The following MNAT1 variants were observed in gnomAD, a reference collection of about 807,000 sequenced individuals.
MNAT1 encodes CDK-activating kinase assembly factor MAT1.
Under a neutral mutation model 42.0 loss-of-function variants are expected in MNAT1, and 43 were observed. That is an observed-to-expected ratio of 1.02 (90% CI 0.80 to 1.32). The LOEUF is 1.32. Ranked by LOEUF, MNAT1 falls within the 40% of genes most tolerant of loss-of-function variation. MNAT1 has a pLI of 0.00. For synonymous variants in MNAT1, 118 were observed against 120.0 expected (o/e 0.98, Z 0.11); for missense variants, 306 against 350.4 (o/e 0.87, Z 1.01).
chr14:60,882,260 C>T (rs1277825119), intron 7 of MNAT1, among the ~76,000 whole-genome samples: 12 of 152,106 alleles, frequency 7.9e-5, no homozygotes, highest in Non-Finnish European at 1.6e-4. Flanking sequence ...CCCTTCACAA[C>T]CTCTGGTGAC....
intron 4 of MNAT1, 165 bp downstream of exon 4, chr14:60,808,593 G>C: frequency 2.2e-6 from 1 of 449,788 alleles, no homozygotes; most frequent in Non-Finnish European, 4.0e-6. Context: ...AGGTAGGCAG[G>C]CACACATTAC....
At chr14:60,774,418 G>A (rs908897100) in intron 1 of MNAT1, among the ~76,000 whole-genome samples, 1 of 152,170 alleles carries the variant, frequency 6.6e-6, no homozygotes, top group African/African-American at 2.4e-5. Context: ...GTCAGGTCAT[G>A]TAGTATCTTC....
chr14:60,813,281 T>C (rs895707468), intron 5 of MNAT1, among the ~76,000 whole-genome samples: 2 of 152,164 alleles, frequency 1.3e-5, no homozygotes, highest in Non-Finnish European at 2.9e-5. Context: ...TGTTCCTGTA[T>C]TGGTGCTTGG....
At chr14:60,761,918 C>T (rs1341025540) in intron 1 of MNAT1, among the ~76,000 whole-genome samples, 2 of 152,058 alleles carry the variant, frequency 1.3e-5, no homozygotes, top group African/African-American at 4.8e-5. Context: ...TGTGGTTTGA[C>T]AGTTTTTAGC....
At chr14:60,915,326 T>C (rs1452315475) in intron 7 of MNAT1, among the ~76,000 whole-genome samples, 2 of 152,186 alleles carry the variant, frequency 1.3e-5, no homozygotes, top group African/African-American at 4.8e-5. Context: ...TATTATCTCT[T>C]AATGCAATTA....
chr14:60,959,140 G>A (rs1046569401), intron 7 of MNAT1, among the ~76,000 whole-genome samples: 3 of 152,186 alleles, frequency 2.0e-5, no homozygotes, highest in Non-Finnish European at 2.9e-5. Flanking sequence ...CCTGCAGGGG[G>A]TCTGTTGTAG....
intron 1 of MNAT1, among the ~76,000 whole-genome samples, chr14:60,744,380 C>T (rs1896555674): frequency 6.6e-6 from 1 of 151,780 alleles, no homozygotes; most frequent in South Asian, 2.1e-4. Context: ...GATCTGCGTG[C>T]CTCGGCCTCC....
intron 6 of MNAT1, among the ~76,000 whole-genome samples, chr14:60,860,229 T>C (rs750138546): frequency 1.3e-5 from 2 of 152,122 alleles, no homozygotes; most frequent in Non-Finnish European, 2.9e-5. Context: ...CTGCTTCTCT[T>C]CCTGTTGATG....
chr14:60,911,816 T>A (rs1258285793), intron 7 of MNAT1, among the ~76,000 whole-genome samples: 2 of 151,846 alleles, frequency 1.3e-5, no homozygotes, highest in Non-Finnish European at 2.9e-5. Context: ...GGGTGGAGAG[T>A]TCTGTAGATG....
intron 1 of MNAT1, among the ~76,000 whole-genome samples, chr14:60,776,604 C>T (rs1393341648): frequency 6.6e-6 from 1 of 151,858 alleles, no homozygotes; most frequent in Non-Finnish European, 1.5e-5. Context: ...TAGGGGAGGC[C>T]ATAACTGAGG....
intron 7 of MNAT1, among the ~76,000 whole-genome samples, chr14:60,915,661 C>G (rs1413161446): frequency 1.3e-5 from 2 of 152,212 alleles, no homozygotes; most frequent in East Asian, 3.8e-4. Context: ...AGCTTAGTCT[C>G]TCCTGTCCTT....
chr14:60,781,953 T>TTGTG (rs61229600), intron 1 of MNAT1, among the ~76,000 whole-genome samples: 27 of 146,066 alleles, frequency 1.8e-4, no homozygotes, highest in South Asian at 6.6e-4. Flanking sequence ...TGGATTTTGT[T>TTGTG]TGTGTGTGTG....
intron 7 of MNAT1, among the ~76,000 whole-genome samples, chr14:60,929,707 A>G (rs1209114812): frequency 2.0e-5 from 3 of 152,124 alleles, no homozygotes; most frequent in Non-Finnish European, 2.9e-5. Context: ...CTGTGAGCCT[A>G]TCTGTAATAA....
At chr14:60,865,076 T>C (rs1340820434) in intron 6 of MNAT1, among the ~76,000 whole-genome samples, 1 of 152,052 alleles carries the variant, frequency 6.6e-6, no homozygotes, top group Non-Finnish European at 1.5e-5. Context: ...CAAATATTCC[T>C]GATACATACC....
intron 6 of MNAT1, among the ~76,000 whole-genome samples, chr14:60,873,403 T>C (rs1021737492): frequency 6.6e-6 from 1 of 152,186 alleles, no homozygotes; most frequent in African/African-American, 2.4e-5. Flanking sequence ...GCAACAAAGA[T>C]AAATAATTTC....
chr14:60,838,592 T>G (rs2033460762), intron 6 of MNAT1, among the ~76,000 whole-genome samples: 1 of 152,106 alleles, frequency 6.6e-6, no homozygotes, highest in Middle Eastern at 3.2e-3. Context: ...CCAGCTGCAG[T>G]GGGGAAGGTA....
intron 6 of MNAT1, among the ~76,000 whole-genome samples, chr14:60,861,070 T>C (rs972846728): frequency 1.1e-4 from 16 of 152,134 alleles, no homozygotes; most frequent in Admixed American, 9.8e-4. Flanking sequence ...ACATATTTAA[T>C]GAATCTTTTA....
chr14:60,941,324 C>T (rs986245593), intron 7 of MNAT1, among the ~76,000 whole-genome samples: 3 of 152,208 alleles, frequency 2.0e-5, no homozygotes, highest in East Asian at 3.9e-4. Context: ...CTTTCAATAA[C>T]ATAGTTTAAA....
At chr14:60,942,113 A>T (rs1191965207) in intron 7 of MNAT1, among the ~76,000 whole-genome samples, 2 of 152,062 alleles carry the variant, frequency 1.3e-5, no homozygotes, top group African/African-American at 4.8e-5. Flanking sequence ...CACTAAAAAA[A>T]TTTTAAGCTG....
Sources: allele counts gnomAD v4.1 joint callset (sites outside exome capture counted in the v4.1 genomes callset), GRCh38; gene constraint gnomAD v4.1.1; transcripts MANE v1.5; gene names NCBI Gene and HGNC (gene_info 2026-07-23, HGNC 2026-07-21).